Variants in HS6ST3 observed in about 807,000 individuals in gnomAD.
HS6ST3 encodes heparan-sulfate 6-O-sulfotransferase 3.
HS6ST3 carries 12 observed loss-of-function variants against 36.7 expected under a neutral mutation model. The observed-to-expected ratio is 0.33, with a 90% CI of 0.21 to 0.53. HS6ST3 has a LOEUF of 0.53. Ranked by LOEUF, HS6ST3 falls within the 20% of genes least tolerant of loss-of-function variation. The pLI, the probability that HS6ST3 is intolerant of heterozygous loss-of-function variation, is 0.95. For synonymous variants in HS6ST3, 240 were observed against 257.5 expected (o/e 0.93, Z 0.65); for missense variants, 584 against 640.9 (o/e 0.91, Z 0.96).
chr13:96,153,125 C>G (rs2054095127), intron 1 of HS6ST3, among the ~76,000 whole-genome samples: 1 of 152,094 alleles, frequency 6.6e-6, no homozygotes, highest in African/African-American at 2.4e-5. Flanking sequence ...AGCATATGGA[C>G]ACACACACCT....
intron 1 of HS6ST3, among the ~76,000 whole-genome samples, chr13:96,701,937 A>G (rs1259082685): frequency 6.6e-6 from 1 of 152,170 alleles, no homozygotes; most frequent in African/African-American, 2.4e-5. Context: ...ACTGCAGCCT[A>G]GATGACAGAG....
intron 1 of HS6ST3, among the ~76,000 whole-genome samples, chr13:96,315,093 GAA>G (rs1185122551): frequency 6.6e-6 from 1 of 152,122 alleles, no homozygotes. Flanking sequence ...TTACTAAACA[GAA>G]AGTCTTTCTT....
intron 1 of HS6ST3, among the ~76,000 whole-genome samples, chr13:96,478,296 GT>G (rs1216959682): frequency 6.6e-6 from 1 of 152,136 alleles, no homozygotes; most frequent in African/African-American, 2.4e-5. Context: ...AGATAGAACA[GT>G]GAAAATGTGT....
At chr13:96,734,511 T>G (rs1274856774) in intron 1 of HS6ST3, among the ~76,000 whole-genome samples, 1 of 152,232 alleles carries the variant, frequency 6.6e-6, no homozygotes, top group Non-Finnish European at 1.5e-5. Context: ...GAAATTAAAA[T>G]GGAGAATCCT....
intron 1 of HS6ST3, among the ~76,000 whole-genome samples, chr13:96,367,660 T>C (rs1364733088): frequency 6.6e-6 from 1 of 152,210 alleles, no homozygotes; most frequent in African/African-American, 2.4e-5. Flanking sequence ...TGAAGCTCTT[T>C]GCAAAATGTA....
At chr13:96,166,810 C>T (rs960650023) in intron 1 of HS6ST3, among the ~76,000 whole-genome samples, 8 of 152,230 alleles carry the variant, frequency 5.3e-5, no homozygotes, top group South Asian at 4.1e-4. Context: ...ATAATCCCCA[C>T]GTGTTATAGC....
intron 1 of HS6ST3, among the ~76,000 whole-genome samples, chr13:96,778,964 A>G (rs1201679405): frequency 6.6e-6 from 1 of 152,200 alleles, no homozygotes; most frequent in Non-Finnish European, 1.5e-5. Context: ...TGTGGCACAT[A>G]TACACCATGG....
rs888880811 is a variant in HS6ST3, at chr13:96,144,190, A to G, written c.707+52621A>G. Among the ~76,000 whole-genome samples, 3 of 152,202 alleles carry G rather than the reference A, an allele frequency of 2.0e-5. No individual in the cohort carries two copies. In the East Asian group the frequency reaches 5.8e-4, roughly 29 times the overall value. On this transcript the variant is annotated intron_variant, in intron 1 of 1. Transcript: ENST00000376705. ...GAGTTATGAGAATTAATAATCATTT[A>G]TGTTAAAAATCTAGTATAGAACATA...
intron 1 of HS6ST3, among the ~76,000 whole-genome samples, chr13:96,713,905 T>G (rs7987457): frequency 0.11 from 17,008 of 152,118 alleles, 1,014 homozygotes; most frequent in Admixed American, 0.17. Flanking sequence ...TTTATGGAAA[T>G]TTGGTATGAC....
At chr13:96,210,019 A>T (rs559291909) in intron 1 of HS6ST3, among the ~76,000 whole-genome samples, 2 of 152,298 alleles carry the variant, frequency 1.3e-5, no homozygotes, top group East Asian at 3.9e-4. Context: ...GTTTACTGCT[A>T]TAGAACAGAG....
At chr13:96,476,749 C>T (rs2055866316) in intron 1 of HS6ST3, among the ~76,000 whole-genome samples, 1 of 152,054 alleles carries the variant, frequency 6.6e-6, no homozygotes, top group Non-Finnish European at 1.5e-5. Flanking sequence ...GGTGTAGTGC[C>T]TTGAATCATA....
chr13:96,653,308 T>C (rs1020088306), intron 1 of HS6ST3, among the ~76,000 whole-genome samples: 3 of 152,152 alleles, frequency 2.0e-5, no homozygotes, highest in African/African-American at 7.2e-5. Flanking sequence ...TTGTTGCACT[T>C]ATCAACCCGT....
At chr13:96,814,422 A>G (rs1456403529) in intron 1 of HS6ST3, among the ~76,000 whole-genome samples, 1 of 152,088 alleles carries the variant, frequency 6.6e-6, no homozygotes, top group Non-Finnish European at 1.5e-5. Flanking sequence ...TATTCCATAT[A>G]TCTAATCTCT....
chr13:96,567,851 G>A (rs1042275975), intron 1 of HS6ST3, among the ~76,000 whole-genome samples: 4 of 152,144 alleles, frequency 2.6e-5, no homozygotes, highest in Admixed American at 2.0e-4. Context: ...GGCTTATCGT[G>A]GCCTACAAAC....
intron 1 of HS6ST3, among the ~76,000 whole-genome samples, chr13:96,800,016 A>ATATATATATATGTG (rs1566456919): frequency 1.5e-4 from 19 of 126,310 alleles, no homozygotes; most frequent in African/African-American, 3.5e-4. Flanking sequence ...ATATATATGT[A>ATATATATATATGTG]TATATATATA....
intron 1 of HS6ST3, among the ~76,000 whole-genome samples, chr13:96,799,784 TAAAAA>T (rs141104397): frequency 7.1e-6 from 1 of 140,176 alleles, no homozygotes; most frequent in Non-Finnish European, 1.6e-5. Context: ...AGTATAATAA[TAAAAA>T]AAAAAAACTG....
At chr13:96,274,469 C>T (rs1006116457) in intron 1 of HS6ST3, among the ~76,000 whole-genome samples, 4 of 152,094 alleles carry the variant, frequency 2.6e-5, no homozygotes, top group Admixed American at 2.6e-4. Flanking sequence ...TAGGTAGTTA[C>T]TCCATGTGTG....
chr13:96,094,298 G>C (rs1347176764), intron 1 of HS6ST3, among the ~76,000 whole-genome samples: 1 of 152,112 alleles, frequency 6.6e-6, no homozygotes, highest in Non-Finnish European at 1.5e-5. Context: ...GGCATATCGT[G>C]CTTACTATGT....
chr13:96,348,555 A>G lies in HS6ST3; in HGVS notation c.707+256986A>G, dbSNP rs7327623. On this transcript the variant is annotated intron_variant, in intron 1 of 1. Coordinates refer to ENST00000376705, the MANE Select transcript of HS6ST3 (RefSeq NM_153456.4). ...TAACTATTTAAGATTACTGAAACCA[A>G]CATGTGTACTTGTGTATTCATTGAA... Among the ~76,000 whole-genome samples the G allele has an allele frequency of 3.8e-3, 572 of 152,324 alleles. 2 individuals are homozygous for G. Among genetic ancestry groups the G allele is most frequent in the African/African-American group, 0.013 (560 of 41,582 alleles).
Sources: gnomAD v4.1 joint callset for allele counts (sites outside exome capture counted in the v4.1 genomes callset) on GRCh38, gnomAD v4.1.1 for gene constraint, MANE v1.5 for transcripts, NCBI Gene and HGNC (gene_info 2026-07-23, HGNC 2026-07-21) for gene names.